The following SPON2 variants were observed in gnomAD, a reference collection of about 807,000 sequenced individuals.
SPON2 encodes spondin-2.
SPON2 carries 32 observed loss-of-function variants against 29.9 expected under a neutral mutation model. The ratio of observed to expected loss-of-function variants is 1.07; its 90% CI spans 0.81 to 1.44. The LOEUF is 1.44. SPON2 is among the 40% of genes most tolerant of loss of function. The pLI is 0.00. For missense variants in SPON2, 541 were observed against 455.5 expected (o/e 1.19, Z -1.71); for synonymous variants, 248 against 209.1 (o/e 1.19, Z -1.61).
At chr4:1,172,161 C>A in intron 1 of SPON2, 87 bp from the exon 2 acceptor site, 1 of 1,209,060 alleles carries the variant, frequency 8.3e-7, no homozygotes, top group South Asian at 1.4e-5. Flanking sequence ...GCACTTTGGG[C>A]TCTGAGGACG....
chr4:1,169,022 C>T (rs771591648), intron 5 of SPON2, among the ~76,000 whole-genome samples: 13 of 152,106 alleles, frequency 8.5e-5, no homozygotes, highest in Non-Finnish European at 1.6e-4. Flanking sequence ...TGGCTCTGTC[C>T]GTCTCCCACC....
intron 1 of SPON2, chr4:1,194,920 G>GCTCCAACCCCGCAGCCGGCGA (rs1728014675): frequency 2.3e-5 from 3 of 130,900 alleles, no homozygotes; most frequent in African/African-American, 6.3e-5. Flanking sequence ...GCAGCCGGCG[G>GCTCCAACCCCGCAGCCGGCGA]CTCCAACCCC....
At chr4:1,170,321 G>T (rs1577896673) in intron 5 of SPON2, 81 bp downstream of exon 5, 2 of 1,390,750 alleles carry the variant, frequency 1.4e-6, no homozygotes, top group Non-Finnish European at 2.0e-6. Context: ...ATTTCTCAGA[G>T]CCTTAGGTTC....
upstream of SPON2, chr4:1,197,148 A>G (rs1728087010): frequency 6.6e-6 from 1 of 152,234 alleles, no homozygotes; most frequent in African/African-American, 2.4e-5. Context: ...GGCAACAGAA[A>G]AATGCAGACA....
At chr4:1,192,520 A>T (rs946120329) in intron 1 of SPON2, among the ~76,000 whole-genome samples, 8 of 152,198 alleles carry the variant, frequency 5.3e-5, no homozygotes, top group African/African-American at 1.9e-4. Context: ...GAGAAGGCTG[A>T]GTGCTCACAG....
chr4:1,196,142 G>A (rs1026214840), upstream of SPON2, among the ~76,000 whole-genome samples: 5 of 152,174 alleles, frequency 3.3e-5, no homozygotes, highest in African/African-American at 1.2e-4. Flanking sequence ...GAAGCACATC[G>A]ATGGGGTGCC....
At chr4:1,206,373 C>T (rs1040223544) in intron 1 of SPON2, among the ~76,000 whole-genome samples, 16 of 152,246 alleles carry the variant, frequency 1.1e-4, no homozygotes, top group African/African-American at 3.9e-4. Flanking sequence ...TGGCGGTTGT[C>T]AGCCCTTGGT....
chr4:1,175,812 T>C (rs977548766), upstream of SPON2, among the ~76,000 whole-genome samples: 1 of 151,712 alleles, frequency 6.6e-6, no homozygotes, highest in Non-Finnish European at 1.5e-5. Flanking sequence ...CTAGCTAGGA[T>C]GTGGGGTGGT....
At chr4:1,185,518 G>A (rs1727775579) in intron 1 of SPON2, among the ~76,000 whole-genome samples, 1 of 150,924 alleles carries the variant, frequency 6.6e-6, no homozygotes, top group African/African-American at 2.4e-5. Context: ...CACCAGCCTG[G>A]CCAACATGGT....
intron 2 of SPON2, among the ~76,000 whole-genome samples, chr4:1,179,171 C>T (rs962548690): frequency 1.3e-4 from 19 of 151,384 alleles, no homozygotes; most frequent in African/African-American, 4.4e-4. Flanking sequence ...GAGTGGGGAC[C>T]TTGCCCGGCT....
chr4:1,177,504 GT>G (rs1727626882), upstream of SPON2, among the ~76,000 whole-genome samples: 1 of 152,122 alleles, frequency 6.6e-6, no homozygotes, highest in African/African-American at 2.4e-5. Context: ...GTTTCCATGG[GT>G]TTGTTTGTGA....
chr4:1,204,167 C>T (rs149619747), intron 1 of SPON2, among the ~76,000 whole-genome samples: 118 of 152,340 alleles, frequency 7.7e-4, no homozygotes, highest in African/African-American at 2.2e-3. Flanking sequence ...CCACTGCGCC[C>T]GGCCTCTCCC....
upstream of SPON2, among the ~76,000 whole-genome samples, chr4:1,198,273 C>T (rs185044098): frequency 1.3e-4 from 20 of 152,218 alleles, no homozygotes; most frequent in Admixed American, 1.2e-3. Flanking sequence ...AGCGGCACCA[C>T]GCAGAGATGA....
Position 1,180,382 on chromosome 4 carries a change from C to T in SPON2, c.-238-841G>A, listed in dbSNP as rs529118483. 2.0e-5 allele frequency among the ~76,000 whole-genome samples: 3 copies of T among 152,050 alleles called. No homozygotes were observed. In the South Asian group the frequency reaches 6.2e-4, roughly 32 times the overall value. On this transcript the variant is annotated intron_variant, in intron 1 of 3. Coordinates refer to the SPON2 transcript ENST00000502483. ...ATTCAGAAAAGTTAATAATAAACTA[C>T]AACAAACTCTGGGGGAATGGAGGTG...
chr4:1,183,730 T>C (rs1031640031), intron 1 of SPON2, among the ~76,000 whole-genome samples: 10 of 152,214 alleles, frequency 6.6e-5, no homozygotes, highest in Non-Finnish European at 1.5e-5. Flanking sequence ...ATTAAGCAGG[T>C]ATAAATTTAA....
upstream of SPON2, among the ~76,000 whole-genome samples, chr4:1,176,374 A>T (rs981785388): frequency 2.0e-5 from 3 of 152,070 alleles, no homozygotes; most frequent in Admixed American, 6.5e-5. Flanking sequence ...CCACATACAC[A>T]CACAGTACAT....
intron 1 of SPON2, among the ~76,000 whole-genome samples, chr4:1,189,629 A>G (rs1332965198): frequency 8.7e-6 from 1 of 115,572 alleles, no homozygotes; most frequent in African/African-American, 3.3e-5. Context: ...ACAGAGTGAG[A>G]CCCTGTCTCA....
chr4:1,207,009 G>T (rs1273958954), intron 1 of SPON2, among the ~76,000 whole-genome samples: 1 of 151,264 alleles, frequency 6.6e-6, no homozygotes, highest in Non-Finnish European at 1.5e-5. Flanking sequence ...TCATTTGGGA[G>T]TGGATGGGGT....
At chr4:1,179,161 G>A (rs1345594475) in intron 2 of SPON2, among the ~76,000 whole-genome samples, 1 of 151,408 alleles carries the variant, frequency 6.6e-6, no homozygotes, top group Non-Finnish European at 1.5e-5. Flanking sequence ...AGCTGACGCT[G>A]AGTGGGGACC....
Sources: allele counts gnomAD v4.1 joint callset (sites outside exome capture counted in the v4.1 genomes callset), GRCh38; gene constraint gnomAD v4.1.1; transcripts MANE v1.5; gene names NCBI Gene and HGNC (gene_info 2026-07-23, HGNC 2026-07-21).